COL11A1: variants seen among roughly 807,000 people sequenced by gnomAD.
COL11A1 encodes the protein collagen alpha-1(XI) chain.
Under a neutral mutation model 265.2 loss-of-function variants are expected in COL11A1, and 74 were observed. The observed-to-expected ratio is 0.28, with a 90% confidence interval of 0.23 to 0.34. The LOEUF (loss-of-function observed/expected upper bound fraction) is 0.34. COL11A1 is among the 10% of genes least tolerant of loss of function. The pLI, the probability that COL11A1 is intolerant of heterozygous loss-of-function variation, is 1.00. For missense variants in COL11A1, 2,165 were observed against 2,263.6 expected (o/e 0.96, Z 0.88); for synonymous variants, 816 against 727.6 (o/e 1.12, Z -1.96).
At chr1:102,900,125 C>T (rs556069110) in intron 54 of COL11A1, among the ~76,000 whole-genome samples, 1 of 152,142 alleles carries the variant, frequency 6.6e-6, no homozygotes, top group South Asian at 2.1e-4. Flanking sequence ...CAGAAAGAGT[C>T]AATGATGACA....
intron 53 of COL11A1, 127 bp downstream of exon 53, chr1:102,913,510 A>T (rs1386309902): frequency 2.3e-6 from 2 of 858,230 alleles, no homozygotes; most frequent in Admixed American, 2.4e-5. Context: ...AATTTTTTTG[A>T]TAATTCTTTC....
intron 54 of COL11A1, 45 bp from the exon 55 acceptor site, chr1:102,899,039 G>T: frequency 8.6e-7 from 1 of 1,163,690 alleles, no homozygotes. Context: ...ACATATAAAA[G>T]TAATGTTAAT....
Position 103,014,349 on chromosome 1 carries a change from C to T in COL11A1, c.1572+162G>A, listed in dbSNP as rs542664844. Among the ~76,000 whole-genome samples, 6 of 152,172 alleles carry T rather than the reference C, an allele frequency of 3.9e-5. No homozygotes were observed. In the East Asian group the frequency reaches 9.6e-4, roughly 24 times the overall value. ...AATTTTCAATTAATAAACATTACTA[C>T]TAGAAAAACAAATAAAATTTTAGCA... On this transcript the variant is annotated intron_variant, in intron 13 of 66. Transcript: ENST00000370096.
At chr1:103,029,291 G>T (rs1311103595) in intron 5 of COL11A1, among the ~76,000 whole-genome samples, 2 of 151,944 alleles carry the variant, frequency 1.3e-5, no homozygotes, top group African/African-American at 2.4e-5. Flanking sequence ...TACATGTATG[G>T]CTGATGCTCC....
chr1:103,022,795 TA>T lies in COL11A1; in HGVS notation c.1191del (p.Asn398MetfsTer19). ...KEYEDKPTSP[P>X]NEEFGPGVPA... ...GGTACACCTGGACCAAATTCTTCAT[TA>T]GGGGGGCTTGTTGGTTTATCTTCAT... is the stretch of plus-strand genomic sequence containing the variant. On this transcript the variant is annotated frameshift_variant, in exon 8 of 67. Transcript: ENST00000370096. LOFTEE classifies it high-confidence loss of function. The T allele has an allele frequency of 2.5e-6, 4 of 1,613,696 alleles. No individual in the cohort carries two copies. Among genetic ancestry groups the T allele is most frequent in the Non-Finnish European group, 3.4e-6 (4 of 1,179,930 alleles).
chr1:103,002,635 A>G (rs1392654866), intron 22 of COL11A1, 112 bp downstream of exon 22: 2 of 1,148,362 alleles, frequency 1.7e-6, no homozygotes, highest in Non-Finnish European at 2.6e-6. Context: ...AGCTGTATCT[A>G]ATATACTTAG....
chr1:103,015,278 T>C (rs1405266204), intron 12 of COL11A1, among the ~76,000 whole-genome samples: 1 of 151,922 alleles, frequency 6.6e-6, no homozygotes, highest in African/African-American at 2.4e-5. Flanking sequence ...AGCAAATAAT[T>C]TTTGAGCAAT....
At chr1:102,891,403 A>C (rs1651760740) in intron 57 of COL11A1, among the ~76,000 whole-genome samples, 1 of 151,876 alleles carries the variant, frequency 6.6e-6, no homozygotes, top group Non-Finnish European at 1.5e-5. Flanking sequence ...TTTTATATAA[A>C]TATACTTCTA....
In COL11A1 at chr1:102,932,464, G is replaced by C. The variant is rs189291277; in HGVS notation, c.3600+1985C>G. On this transcript the variant is annotated intron_variant, in intron 46 of 66. Transcript: ENST00000370096. ...TAGGGCTTCTGCCGAGAGATCCGCT[G>C]TTAGTCTGATGGGCTTCCCTTTGAG... 7.4e-3 allele frequency among the ~76,000 whole-genome samples: 1,120 copies of C among 152,292 alleles called. 14 individuals carry two copies. The highest frequency in any genetic ancestry group is 0.025 in the African/African-American group (1,047 of 41,566).
intron 1 of COL11A1, among the ~76,000 whole-genome samples, chr1:103,083,679 G>A (rs541668221): frequency 6.6e-6 from 1 of 152,256 alleles, no homozygotes; most frequent in Admixed American, 6.5e-5. Flanking sequence ...ACACAAAGGT[G>A]TATGTATGTA....
At chr1:103,013,814 T>A (rs1469615615) in intron 13 of COL11A1, among the ~76,000 whole-genome samples, 1 of 151,900 alleles carries the variant, frequency 6.6e-6, no homozygotes, top group Non-Finnish European at 1.5e-5. Context: ...AGAAAACCAA[T>A]ACTATGAATA....
chr1:102,962,605 ATAAAT>A (rs1661024549), intron 39 of COL11A1, 43 bp downstream of exon 39: 3 of 1,513,470 alleles, frequency 2.0e-6, no homozygotes. Flanking sequence ...ATAGTTAAAC[ATAAAT>A]TAAAGTTTTG....
intron 1 of COL11A1, among the ~76,000 whole-genome samples, chr1:103,093,437 GA>G (rs200359982): frequency 4.6e-5 from 7 of 150,788 alleles, no homozygotes; most frequent in Admixed American, 1.3e-4. Flanking sequence ...CCCTATTCTG[GA>G]AAAAAAAATC....
At chr1:102,981,458 C>G (rs1488238935) in intron 31 of COL11A1, among the ~76,000 whole-genome samples, 1 of 151,896 alleles carries the variant, frequency 6.6e-6, no homozygotes, top group East Asian at 1.9e-4. Flanking sequence ...TTTATAGATA[C>G]TTCATTTAAG....
intron 54 of COL11A1, among the ~76,000 whole-genome samples, chr1:102,902,868 G>A (rs957358957): frequency 6.7e-6 from 1 of 150,102 alleles, no homozygotes; most frequent in Admixed American, 6.6e-5. Context: ...CATATACAAG[G>A]TACACACACA....
intron 1 of COL11A1, among the ~76,000 whole-genome samples, chr1:103,095,712 A>G (rs1673702584): frequency 6.6e-6 from 1 of 151,792 alleles, no homozygotes; most frequent in East Asian, 1.9e-4. Context: ...TACATTGGAT[A>G]TTTTCTCATG....
In COL11A1 at chr1:102,962,217, A is replaced by T. The variant is rs1379222421; in HGVS notation, c.3073T>A (p.Leu1025Ile). ...CCTCTTTCCCCTGGGAAACCACGTA[A>T]TCCTGCTGGTCCATCTTTCCCTGAG... is the stretch of plus-strand genomic sequence containing the variant. ...GISGKDGPAG[L>I]RGFPGERGLP... is the part of the protein sequence containing the mutation. Residue 1025 changes from leucine to isoleucine, a missense_variant, in exon 40 of 67, where the codon TTA becomes ATA. By Grantham distance (5) the Leu-to-Ile change is conservative. Coordinates refer to ENST00000370096, the MANE Select transcript of COL11A1 (RefSeq NM_001854.4). 2 of 1,613,808 alleles carry T rather than the reference A, an allele frequency of 1.2e-6. No individual in the cohort carries two copies. Among genetic ancestry groups the T allele is most frequent in the Non-Finnish European group, 1.7e-6 (2 of 1,179,770 alleles).
At chr1:102,933,113 A>G (rs1189638122) in intron 46 of COL11A1, among the ~76,000 whole-genome samples, 2 of 149,990 alleles carry the variant, frequency 1.3e-5, no homozygotes, top group African/African-American at 2.5e-5. Context: ...TTCTCCATCC[A>G]GCTTTGTTCC....
At chr1:103,081,975 A>T (rs1672451681) in intron 2 of COL11A1, among the ~76,000 whole-genome samples, 1 of 152,012 alleles carries the variant, frequency 6.6e-6, no homozygotes, top group South Asian at 2.1e-4. Context: ...CAATCAATAG[A>T]TAACTGGTAT....
Sources: allele counts gnomAD v4.1 joint callset (sites outside exome capture counted in the v4.1 genomes callset), GRCh38; gene constraint gnomAD v4.1.1; transcripts MANE v1.5; gene names NCBI Gene and HGNC (gene_info 2026-07-23, HGNC 2026-07-21).